The following SAMD13 variants were observed in gnomAD, a reference collection of about 807,000 sequenced individuals.
SAMD13 encodes sterile alpha motif domain-containing protein 13.
A neutral mutation model predicts 12.4 loss-of-function variants in SAMD13; 9 were observed. The ratio of observed to expected loss-of-function variants is 0.72; its 90% CI spans 0.44 to 1.26. The LOEUF (loss-of-function observed/expected upper bound fraction) is 1.26. Among genes scored for constraint, SAMD13 ranks in the 50% most tolerant of loss-of-function variants. The pLI, the probability that SAMD13 is intolerant of heterozygous loss-of-function variation, is 0.00. For synonymous variants in SAMD13, 46 were observed against 45.4 expected, an observed-to-expected ratio of 1.01 and a Z score of -0.05; for missense variants, 84 against 119.6, an observed-to-expected ratio of 0.70 and a Z score of 1.39.
intron 2 of SAMD13, among the ~76,000 whole-genome samples, chr1:84,315,601 A>G (rs973291090): frequency 6.6e-6 from 1 of 152,096 alleles, no homozygotes; most frequent in Non-Finnish European, 1.5e-5. Context: ...AGTACATTTT[A>G]TTTTTAAAAT....
intron 1 of SAMD13, chr1:84,302,946 G>A (rs1042676123): frequency 2.2e-5 from 7 of 317,636 alleles, no homozygotes; most frequent in Admixed American, 4.1e-5. Context: ...TGTTTTCAAC[G>A]AGGATTCAAT....
intron 2 of SAMD13, among the ~76,000 whole-genome samples, chr1:84,306,903 T>C (rs1207055153): frequency 4.0e-5 from 6 of 151,718 alleles, no homozygotes; most frequent in Non-Finnish European, 8.8e-5. Context: ...GGCATCTTTT[T>C]GTTCCTCATC....
At chr1:84,319,447 C>A (rs1343204558) in intron 2 of SAMD13, among the ~76,000 whole-genome samples, 1 of 151,850 alleles carries the variant, frequency 6.6e-6, no homozygotes, top group Non-Finnish European at 1.5e-5. Context: ...CATGGCGAAA[C>A]CCCATCTCTA....
chr1:84,308,620 G>A (rs1256912153), intron 2 of SAMD13, among the ~76,000 whole-genome samples: 1 of 152,102 alleles, frequency 6.6e-6, no homozygotes, highest in African/African-American at 2.4e-5. Flanking sequence ...AAAGATCATG[G>A]AATTTTAAAT....
intron 3 of SAMD13, among the ~76,000 whole-genome samples, chr1:84,334,632 C>G (rs1303201475): frequency 2.0e-5 from 3 of 152,088 alleles, no homozygotes; most frequent in African/African-American, 4.8e-5. Context: ...TTTTCTAGTT[C>G]CTCTATGTGT....
At chr1:84,320,530 C>T (rs185364509) in intron 2 of SAMD13, among the ~76,000 whole-genome samples, 3 of 152,286 alleles carry the variant, frequency 2.0e-5, no homozygotes, top group East Asian at 1.9e-4. Context: ...GAGAAAGGAA[C>T]GGAAATAACG....
At chr1:84,345,131 C>T (rs937425534) in intron 3 of SAMD13, 14 of 456,424 alleles carry the variant, frequency 3.1e-5, no homozygotes, top group East Asian at 6.9e-5. Context: ...TTGTAAGCAG[C>T]AGACTGAGAA....
intron 3 of SAMD13, among the ~76,000 whole-genome samples, chr1:84,343,121 T>A (rs1418009743): frequency 6.6e-6 from 1 of 152,116 alleles, no homozygotes; most frequent in Non-Finnish European, 1.5e-5. Context: ...CATCACAGAT[T>A]ATTAGGTAAA....
At chr1:84,338,172 T>G (rs1428061982) in intron 3 of SAMD13, among the ~76,000 whole-genome samples, 1 of 152,198 alleles carries the variant, frequency 6.6e-6, no homozygotes, top group African/African-American at 2.4e-5. Context: ...TCAAAGTCAC[T>G]TCCACATTTT....
At chr1:84,327,682 A>T (rs1185073215) in intron 3 of SAMD13, among the ~76,000 whole-genome samples, 1 of 152,216 alleles carries the variant, frequency 6.6e-6, no homozygotes, top group Non-Finnish European at 1.5e-5. Context: ...AAGTATACTG[A>T]TATATACAAG....
chr1:84,322,529 G>A (rs955840827), intron 2 of SAMD13, among the ~76,000 whole-genome samples: 4 of 152,176 alleles, frequency 2.6e-5, no homozygotes, highest in African/African-American at 9.7e-5. Flanking sequence ...ATACTTTGCT[G>A]TGTATCAACT....
At chr1:84,327,917 TC>T (rs1244658894) in intron 3 of SAMD13, among the ~76,000 whole-genome samples, 1 of 152,230 alleles carries the variant, frequency 6.6e-6, no homozygotes, top group Admixed American at 6.5e-5. Flanking sequence ...AGGCCGCTGA[TC>T]AGCTGGAACA....
At chr1:84,299,670 TA>T, upstream of SAMD13, 2 of 951,540 alleles carry the variant, frequency 2.1e-6, no homozygotes, top group African/African-American at 1.7e-5. Flanking sequence ...TATATATATA[TA>T]TATATTTATT....
intron 1 of SAMD13, chr1:84,302,983 G>T: frequency 2.5e-6 from 1 of 406,996 alleles, no homozygotes; most frequent in Non-Finnish European, 4.6e-6. Context: ...TATTGTCAAG[G>T]CAGGGAGTGC....
intron 2 of SAMD13, among the ~76,000 whole-genome samples, chr1:84,308,904 T>C (rs1678645903): frequency 6.6e-6 from 1 of 152,200 alleles, no homozygotes; most frequent in African/African-American, 2.4e-5. Context: ...GACATTGCAA[T>C]GGCAAGTCTC....
At chr1:84,318,491 A>G (rs150162933) in intron 2 of SAMD13, among the ~76,000 whole-genome samples, 51 of 152,192 alleles carry the variant, frequency 3.4e-4, no homozygotes, top group Non-Finnish European at 6.5e-4. Flanking sequence ...TTATTTTTAT[A>G]TTTGTTAAAA....
chr1:84,323,647 G>A (rs189419828), intron 2 of SAMD13, among the ~76,000 whole-genome samples: 26 of 152,220 alleles, frequency 1.7e-4, no homozygotes, highest in Admixed American at 3.3e-4. Context: ...CCTGCTATGG[G>A]CAAAACATTA....
chr1:84,342,247 A>G (rs1332733759), intron 3 of SAMD13, among the ~76,000 whole-genome samples: 3 of 152,196 alleles, frequency 2.0e-5, no homozygotes, highest in Non-Finnish European at 4.4e-5. Context: ...TTTTAAAAGC[A>G]TTTGTTGTTT....
At chr1:84,333,614 T>C (rs1679236512) in intron 3 of SAMD13, among the ~76,000 whole-genome samples, 1 of 152,180 alleles carries the variant, frequency 6.6e-6, no homozygotes, top group African/African-American at 2.4e-5. Flanking sequence ...TCAAGGCAGC[T>C]TCTGGTCAGA....
Sources: gnomAD v4.1 joint callset for allele counts (sites outside exome capture counted in the v4.1 genomes callset) on GRCh38, gnomAD v4.1.1 for gene constraint, MANE v1.5 for transcripts, NCBI Gene and HGNC (gene_info 2026-07-23, HGNC 2026-07-21) for gene names.